The following KIRREL3 variants were observed in gnomAD, a reference collection of about 807,000 sequenced individuals.
The protein encoded by KIRREL3 is kirre like nephrin family adhesion molecule 3.
In KIRREL3, 36 loss-of-function variants were observed where a neutral mutation model predicts 89.7. The ratio of observed to expected loss-of-function variants is 0.40; its 90% CI spans 0.31 to 0.53. KIRREL3 has a LOEUF of 0.53. Ranked by LOEUF, KIRREL3 falls within the 20% of genes least tolerant of loss-of-function variation. KIRREL3 has a pLI of 0.49. For synonymous variants in KIRREL3, 445 were observed against 441.4 expected (o/e 1.01, Z -0.10); for missense variants, 864 against 1,056.6 (o/e 0.82, Z 2.53).
chr11:126,923,131 CTT>C (rs1411449487), intron 1 of KIRREL3, among the ~76,000 whole-genome samples: 12,136 of 31,688 alleles, frequency 0.38, 3,409 homozygotes, highest in African/African-American at 0.54. Context: ...TCCTTCTTCT[CTT>C]CTTCTTCTTC....
rs1011481510 is a variant in KIRREL3 at position 126,694,952 on chromosome 11, G to T, written c.56-132040C>A. Among the ~76,000 whole-genome samples the T allele has an allele frequency of 1.1e-4, 16 of 152,232 alleles. No homozygotes were observed. Among genetic ancestry groups the T allele is most frequent in the African/African-American group, 3.9e-4 (16 of 41,462 alleles). On this transcript the variant is annotated intron_variant, in intron 1 of 16. Coordinates refer to ENST00000525144, the MANE Select transcript of KIRREL3 (RefSeq NM_032531.4). The surrounding 1 kb of genome is among the most constrained non-coding windows in gnomAD (Gnocchi z 4.4). ...CTCCTTTGCTTTGATTGGGAGATGA[G>T]ATGCGAGTCTCAATGCCTAGAATGC...
chr11:126,619,865 C>T (rs1458640521), intron 1 of KIRREL3, among the ~76,000 whole-genome samples: 2 of 152,224 alleles, frequency 1.3e-5, no homozygotes, highest in African/African-American at 2.4e-5. Context: ...TTAAGACCCC[C>T]AATCAAGGAA....
In KIRREL3 at chr11:126,676,468, C is replaced by G. The variant is rs1270138547; in HGVS notation, c.56-113556G>C. Among the ~76,000 whole-genome samples, 1 of 152,168 alleles carries G rather than the reference C, an allele frequency of 6.6e-6. No homozygotes were observed. The highest frequency in any genetic ancestry group is 1.5e-5 in the Non-Finnish European group (1 of 68,024). ...TGCAGTTGGCCACACTGAGGCTGTT[C>G]TTTGACCAGTGTTTCTCAAATTTGC... On this transcript the variant is annotated intron_variant, in intron 1 of 16. Transcript: ENST00000525144. The surrounding 1 kb of genome is among the most constrained non-coding windows in gnomAD (Gnocchi z 4.5).
chr11:126,675,025 A>G (rs1160392246), intron 1 of KIRREL3, among the ~76,000 whole-genome samples: 1 of 152,190 alleles, frequency 6.6e-6, no homozygotes, highest in African/African-American at 2.4e-5. Flanking sequence ...ACTGGGCCAC[A>G]TCCCAGTTCA....
Position 126,900,394 on chromosome 11 carries a change from AAC to A in KIRREL3, c.55+100059_55+100060del, listed in dbSNP as rs1172498335. On this transcript the variant is annotated intron_variant, in intron 1 of 16. Transcript: ENST00000525144. This position sits in a 1 kb window ranked among gnomAD's most constrained non-coding sequence, Gnocchi z 4.4. ...GAGAAGTCTAGAAATAGAAATAACAAACACAAAAAAGAAAGCCTGCATGTTTA... is the reference window on the plus strand; with the variant it reads ...GAGAAGTCTAGAAATAGAAATAACAAACAAAAAAGAAAGCCTGCATGTTTA... Among the ~76,000 whole-genome samples the A allele has an allele frequency of 6.6e-6, 1 of 152,226 alleles. No homozygotes were observed. Among genetic ancestry groups the A allele is most frequent in the Non-Finnish European group, 1.5e-5 (1 of 68,036 alleles).
chr11:126,776,534 C>T lies in KIRREL3; in HGVS notation c.56-213622G>A, dbSNP rs146089416. 6.6e-5 allele frequency among the ~76,000 whole-genome samples: 10 copies of T among 152,242 alleles called. No homozygotes were observed. Among genetic ancestry groups the T allele is most frequent in the African/African-American group, 1.4e-4 (6 of 41,544 alleles). On this transcript the variant is annotated intron_variant, in intron 1 of 16. Coordinates refer to ENST00000525144, the MANE Select transcript of KIRREL3 (RefSeq NM_032531.4). This position sits in a 1 kb window ranked among gnomAD's most constrained non-coding sequence, Gnocchi z 4.7. ...ACAGGTCTCTACTAGGTGTCAGAGC[C>T]GTCGGTAGGGTTAATGCAGGTCCCT...
At chr11:126,591,150 C>T (rs554928073) in intron 1 of KIRREL3, among the ~76,000 whole-genome samples, 10 of 152,214 alleles carry the variant, frequency 6.6e-5, no homozygotes, top group Admixed American at 2.6e-4. Context: ...CGCTTGAGCC[C>T]GGGTGGAGGA....
chr11:126,555,560 G>A lies in KIRREL3; in HGVS notation c.133+7275C>T, dbSNP rs538804451. On this transcript the variant is annotated intron_variant, in intron 2 of 16. Coordinates refer to ENST00000525144, the MANE Select transcript of KIRREL3 (RefSeq NM_032531.4). This position sits in a 1 kb window ranked among gnomAD's most constrained non-coding sequence, Gnocchi z 4.2. ...TGAAGGGTTTGGGGATGGGGTGAGC[G>A]TGGCAAGCAGGGTAGACACAGGGAG... Among the ~76,000 whole-genome samples the A allele has an allele frequency of 3.3e-5, 5 of 152,144 alleles. No individual in the cohort carries two copies. Among genetic ancestry groups the A allele is most frequent in the South Asian group, 2.1e-4 (1 of 4,804 alleles).
rs911448530 is a variant in KIRREL3, at chr11:126,689,835, T to C, written c.56-126923A>G. Among the ~76,000 whole-genome samples the C allele has an allele frequency of 1.2e-4, 18 of 152,212 alleles. No homozygotes were observed. Among genetic ancestry groups the C allele is most frequent in the Non-Finnish European group, 2.2e-4 (15 of 68,040 alleles). Reference sequence around the variant, plus strand: ...TTCACATGGCTGCACAGAGAATCGGTGCCCTTGGCAGGTAAGTGAATAAAT... The same window carrying C: ...TTCACATGGCTGCACAGAGAATCGGCGCCCTTGGCAGGTAAGTGAATAAAT... On this transcript the variant is annotated intron_variant, in intron 1 of 16. Coordinates refer to ENST00000525144, the MANE Select transcript of KIRREL3 (RefSeq NM_032531.4). This position sits in a 1 kb window ranked among gnomAD's most constrained non-coding sequence, Gnocchi z 5.2.
At chr11:126,438,291 T>C (rs191974994) in intron 11 of KIRREL3, among the ~76,000 whole-genome samples, 5 of 152,394 alleles carry the variant, frequency 3.3e-5, no homozygotes, top group Admixed American at 1.3e-4. Flanking sequence ...ACAGGGCTGC[T>C]GGTTAACAGT....
rs892028626 is a variant in KIRREL3 at position 126,811,550 on chromosome 11, C to T, written c.55+188905G>A. Among the ~76,000 whole-genome samples the T allele has an allele frequency of 1.3e-5, 2 of 152,202 alleles. No individual in the cohort carries two copies. Among genetic ancestry groups the T allele is most frequent in the African/African-American group, 4.8e-5 (2 of 41,450 alleles). ...ACGGTGCCAGCTACAGCTGACCCTT[C>T]CCTCACAGCATGCAACGTTAGCAAT... On this transcript the variant is annotated intron_variant, in intron 1 of 16. Coordinates refer to ENST00000525144, the MANE Select transcript of KIRREL3 (RefSeq NM_032531.4). The surrounding 1 kb of genome is among the most constrained non-coding windows in gnomAD (Gnocchi z 4.3).
chr11:126,896,508 A>G lies in KIRREL3; in HGVS notation c.55+103947T>C, dbSNP rs1234810291. Among the ~76,000 whole-genome samples the G allele has an allele frequency of 6.6e-6, 1 of 152,214 alleles. No individual in the cohort carries two copies. The highest frequency in any genetic ancestry group is 1.5e-5 in the Non-Finnish European group (1 of 68,034). On this transcript the variant is annotated intron_variant, in intron 1 of 16. Transcript: ENST00000525144. This position sits in a 1 kb window ranked among gnomAD's most constrained non-coding sequence, Gnocchi z 4.1. ...TCCAATCTTTACTCTGAATGAGAAA[A>G]ACATCAAAATCTGAGAAGCAGGAGA...
intron 1 of KIRREL3, among the ~76,000 whole-genome samples, chr11:126,863,677 G>A (rs1944825052): frequency 6.6e-6 from 1 of 152,132 alleles, no homozygotes; most frequent in Non-Finnish European, 1.5e-5. Flanking sequence ...ATGTGTGAGT[G>A]AGTGTGCGCC....
In KIRREL3 at chr11:126,682,100, T is replaced by G; in HGVS notation, c.56-119188A>C. The G allele has an allele frequency of 3.0e-6, 1 of 338,026 alleles. No individual in the cohort carries two copies. Among genetic ancestry groups the G allele is most frequent in the Non-Finnish European group, 5.8e-6 (1 of 171,664 alleles). The allele number at this position is 338,026 out of a possible 1,614,324, so 20.9% of individuals were successfully genotyped here. On this transcript the variant is annotated intron_variant, in intron 1 of 16. Transcript: ENST00000525144. This position sits in a 1 kb window ranked among gnomAD's most constrained non-coding sequence, Gnocchi z 4.8. ...AAAGCAATAAAATATTCCTCCCTCCTGTGACCACCGAAAAGGTCATATTTA... is the reference window on the plus strand; with the variant it reads ...AAAGCAATAAAATATTCCTCCCTCCGGTGACCACCGAAAAGGTCATATTTA...
At chr11:126,801,907 C>G (rs1951047438) in intron 1 of KIRREL3, among the ~76,000 whole-genome samples, 1 of 151,848 alleles carries the variant, frequency 6.6e-6, no homozygotes, top group Non-Finnish European at 1.5e-5. Flanking sequence ...GGTACTCCAA[C>G]CGGGCTACAG....
intron 3 of KIRREL3, among the ~76,000 whole-genome samples, chr11:126,524,047 C>T (rs1958674670): frequency 1.3e-5 from 2 of 152,302 alleles, no homozygotes; most frequent in South Asian, 2.1e-4. Context: ...TCTTGCTACT[C>T]CCAAAGGAGG....
chr11:126,534,899 AG>A (rs1937721220), intron 2 of KIRREL3, among the ~76,000 whole-genome samples: 5 of 151,988 alleles, frequency 3.3e-5, no homozygotes, highest in African/African-American at 1.2e-4. Context: ...AATAAAGGGG[AG>A]GGGGGCTTGG....
intron 1 of KIRREL3, among the ~76,000 whole-genome samples, chr11:126,603,805 G>T (rs558368810): frequency 6.6e-6 from 1 of 151,802 alleles, no homozygotes; most frequent in East Asian, 1.9e-4. Context: ...TTTCTGATGG[G>T]AAGGGATGTA....
chr11:126,937,024 C>T (rs1462773617), intron 1 of KIRREL3: 1 of 152,160 alleles, frequency 6.6e-6, no homozygotes, highest in Non-Finnish European at 1.5e-5. Context: ...TTTAACATAA[C>T]CCCATTACTG....
Sources: allele counts gnomAD v4.1 joint callset (sites outside exome capture counted in the v4.1 genomes callset), GRCh38; gene constraint gnomAD v4.1.1; non-coding constraint Gnocchi (gnomAD v3.1); transcripts MANE v1.5; gene names NCBI Gene and HGNC (gene_info 2026-07-23, HGNC 2026-07-21).